SPSB4: variants seen among roughly 807,000 people sequenced by gnomAD.
SPSB4 encodes SPRY domain-containing SOCS box protein 4.
In SPSB4, 21 loss-of-function variants were observed where a neutral mutation model predicts 20.9. The observed-to-expected ratio is 1.01, with a 90% CI of 0.71 to 1.45. The LOEUF is 1.45. Among genes scored for constraint, SPSB4 ranks in the 40% most tolerant of loss-of-function variants. The pLI is 0.00. For synonymous variants in SPSB4, 207 were observed against 183.8 expected (o/e 1.13, Z -1.02); for missense variants, 399 against 399.2 (o/e 1.00, Z 0.00).
Position 141,073,012 on chromosome 3 carries a change from TG to T in SPSB4, c.694+6216del, listed in dbSNP as rs1324535855. On this transcript the variant is annotated intron_variant, in intron 2 of 2. Coordinates refer to ENST00000310546, the MANE Select transcript of SPSB4 (RefSeq NM_080862.3). ...TTAGCAGTCGCATGGGTCCATGATA[TG>T]GTTGTGTTATAATCTAATTACTTAG... Among the ~76,000 whole-genome samples the T allele has an allele frequency of 1.4e-4, 21 of 152,348 alleles. No homozygotes were observed. In the South Asian group the frequency reaches 2.7e-3, roughly 20 times the overall value.
intron 2 of SPSB4, among the ~76,000 whole-genome samples, chr3:141,094,937 T>G (rs1938520343): frequency 1.3e-5 from 2 of 151,950 alleles, no homozygotes; most frequent in South Asian, 4.2e-4. Flanking sequence ...CGAGACCTCA[T>G]CCATTTTCTC....
chr3:141,052,599 C>G (rs1936113873), intron 1 of SPSB4, among the ~76,000 whole-genome samples: 1 of 152,128 alleles, frequency 6.6e-6, no homozygotes, highest in South Asian at 2.1e-4. Context: ...AAGTAAAGCA[C>G]GGGTCACGCA....
chr3:141,097,055 G>A (rs116753437), intron 2 of SPSB4, among the ~76,000 whole-genome samples: 142 of 152,262 alleles, frequency 9.3e-4, no homozygotes, highest in Middle Eastern at 3.4e-3. Flanking sequence ...TGAAATACCC[G>A]TTCTTTCCAT....
intron 1 of SPSB4, among the ~76,000 whole-genome samples, chr3:141,060,008 C>A (rs933282747): frequency 6.6e-6 from 1 of 152,192 alleles, no homozygotes; most frequent in African/African-American, 2.4e-5. Flanking sequence ...TTTCCCTTAA[C>A]GGCTTATCAT....
At chr3:141,094,455 A>G (rs563499240) in intron 2 of SPSB4, among the ~76,000 whole-genome samples, 4 of 152,158 alleles carry the variant, frequency 2.6e-5, no homozygotes, top group African/African-American at 9.6e-5. Flanking sequence ...TATCTCTGTC[A>G]GTTGCCTCGG....
intron 1 of SPSB4, among the ~76,000 whole-genome samples, chr3:141,052,530 C>T (rs1348750425): frequency 1.6e-4 from 25 of 152,112 alleles, no homozygotes. Context: ...TTCCGTCGTC[C>T]GTGTAATGGG....
At chr3:141,119,800 C>A (rs1317172479) in intron 2 of SPSB4, among the ~76,000 whole-genome samples, 2 of 152,056 alleles carry the variant, frequency 1.3e-5, no homozygotes, top group Non-Finnish European at 2.9e-5. Context: ...ATTCTTCTCT[C>A]ATTTCTTCTT....
chr3:141,094,290 G>A (rs563501510), intron 2 of SPSB4, among the ~76,000 whole-genome samples: 38 of 152,184 alleles, frequency 2.5e-4, no homozygotes, highest in Non-Finnish European at 5.0e-4. Context: ...GCACTGGGCC[G>A]GCTCAGAGCA....
At chr3:141,069,066 G>T (rs1478639487) in intron 2 of SPSB4, among the ~76,000 whole-genome samples, 1 of 152,210 alleles carries the variant, frequency 6.6e-6, no homozygotes, top group Admixed American at 6.5e-5. Context: ...GGCAAGAGAG[G>T]CCAGATGTCA....
intron 2 of SPSB4, among the ~76,000 whole-genome samples, chr3:141,093,321 A>C (rs1290155616): frequency 4.0e-5 from 6 of 151,892 alleles, no homozygotes; most frequent in African/African-American, 1.5e-4. Context: ...TGCAGTAAGC[A>C]CTTTTCATAT....
At chr3:141,096,805 T>C (rs1412623838) in intron 2 of SPSB4, among the ~76,000 whole-genome samples, 5 of 152,250 alleles carry the variant, frequency 3.3e-5, no homozygotes, top group South Asian at 2.1e-4. Flanking sequence ...TTTATGATTT[T>C]CTTTCAGTAG....
At chr3:141,073,813 T>G (rs919203662) in intron 2 of SPSB4, among the ~76,000 whole-genome samples, 5 of 152,322 alleles carry the variant, frequency 3.3e-5, no homozygotes, top group Non-Finnish European at 5.9e-5. Flanking sequence ...TCTCTCATTG[T>G]GTCCTGTGTA....
intron 2 of SPSB4, chr3:141,080,218 A>T (rs1938203717): frequency 6.6e-6 from 1 of 152,320 alleles, no homozygotes; most frequent in East Asian, 1.9e-4. Flanking sequence ...AGACTCGCCC[A>T]GGGTTGCACC....
At chr3:141,072,813 C>T (rs1938031916) in intron 2 of SPSB4, among the ~76,000 whole-genome samples, 1 of 152,094 alleles carries the variant, frequency 6.6e-6, no homozygotes, top group Admixed American at 6.5e-5. Flanking sequence ...TATCTCGGCC[C>T]CCCATCCGCT....
chr3:141,139,733 G>A (rs1939290380), intron 2 of SPSB4, among the ~76,000 whole-genome samples: 1 of 152,188 alleles, frequency 6.6e-6, no homozygotes, highest in Non-Finnish European at 1.5e-5. Context: ...TTCCCTTTGT[G>A]GGTAACCCCA....
At chr3:141,094,384 C>G (rs187875210) in intron 2 of SPSB4, among the ~76,000 whole-genome samples, 233 of 152,282 alleles carry the variant, frequency 1.5e-3, no homozygotes, top group Non-Finnish European at 1.6e-3. Context: ...CATGGGACAT[C>G]CAGGGGAGAG....
chr3:141,067,211 C>T (rs1937905628), intron 2 of SPSB4, among the ~76,000 whole-genome samples: 1 of 152,190 alleles, frequency 6.6e-6, no homozygotes, highest in South Asian at 2.1e-4. Flanking sequence ...AAGACAGTGA[C>T]AAGTCCCCAG....
At chr3:141,093,657 C>T (rs79136585) in intron 2 of SPSB4, among the ~76,000 whole-genome samples, 1 of 152,154 alleles carries the variant, frequency 6.6e-6, no homozygotes, top group Non-Finnish European at 1.5e-5. Context: ...AGGGCCATGC[C>T]GGCTGCCAAG....
At chr3:141,066,881 A>G (rs1937897019) in intron 2 of SPSB4, 83 bp downstream of exon 2, 4 of 1,342,100 alleles carry the variant, frequency 3.0e-6, no homozygotes, top group Non-Finnish European at 4.0e-6. Context: ...CTCCATCGCC[A>G]CTTGGGAGGA....
Sources: allele counts gnomAD v4.1 joint callset (sites outside exome capture counted in the v4.1 genomes callset), GRCh38; gene constraint gnomAD v4.1.1; transcripts MANE v1.5; gene names NCBI Gene and HGNC (gene_info 2026-07-23, HGNC 2026-07-21).